ADGRL3: variants seen among roughly 807,000 people sequenced by gnomAD.
ADGRL3 encodes calcium-independent alpha-latrotoxin receptor 3.
A neutral mutation model predicts 153.5 loss-of-function variants in ADGRL3; 62 were observed. The ratio of observed to expected loss-of-function variants is 0.40; its 90% CI spans 0.33 to 0.50. The LOEUF (loss-of-function observed/expected upper bound fraction) is 0.50, where lower values mean the gene tolerates loss of function less well. Among genes scored for constraint, ADGRL3 ranks in the 20% least tolerant of loss-of-function variants. The pLI, the probability that ADGRL3 is intolerant of heterozygous loss-of-function variation, is 0.47. For missense variants in ADGRL3, 1,641 were observed against 1,859.4 expected (o/e 0.88, Z 2.16); for synonymous variants, 710 against 672.5 (o/e 1.06, Z -0.86).
chr4:61,365,217 G>C (rs1227974953), intron 1 of ADGRL3, among the ~76,000 whole-genome samples: 3 of 150,000 alleles, frequency 2.0e-5, no homozygotes, highest in Non-Finnish European at 4.4e-5. Context: ...CATTGTTACT[G>C]AGTTTATTTG....
chr4:61,403,372 G>T (rs2096954541), intron 2 of ADGRL3, among the ~76,000 whole-genome samples: 1 of 152,020 alleles, frequency 6.6e-6, no homozygotes, highest in Admixed American at 6.6e-5. Context: ...ATGGGAAAGG[G>T]CCTGGAAATA....
intron 12 of ADGRL3, among the ~76,000 whole-genome samples, chr4:61,911,457 T>C (rs2098721415): frequency 6.6e-6 from 1 of 152,152 alleles, no homozygotes; most frequent in Non-Finnish European, 1.5e-5. Flanking sequence ...ATTTGCATGA[T>C]GGGGTAAGGA....
intron 1 of ADGRL3, among the ~76,000 whole-genome samples, chr4:61,358,832 C>G (rs993908199): frequency 2.5e-4 from 38 of 152,104 alleles, no homozygotes; most frequent in African/African-American, 8.9e-4. Context: ...TCTACTTTAA[C>G]ATTATATGTG....
chr4:61,214,004 A>G (rs1312926167), intron 1 of ADGRL3, among the ~76,000 whole-genome samples: 1 of 152,208 alleles, frequency 6.6e-6, no homozygotes, highest in Non-Finnish European at 1.5e-5. Context: ...CTCTTTCTTA[A>G]GAATTGTTAA....
intron 9 of ADGRL3, among the ~76,000 whole-genome samples, chr4:61,845,326 C>T (rs1419600578): frequency 2.0e-5 from 3 of 151,284 alleles, no homozygotes; most frequent in Non-Finnish European, 4.4e-5. Flanking sequence ...TTATTTTTAT[C>T]TTTTTATTTA....
intron 4 of ADGRL3, among the ~76,000 whole-genome samples, chr4:61,544,257 A>AT (rs1242889425): frequency 1.3e-5 from 2 of 152,226 alleles, no homozygotes; most frequent in East Asian, 1.9e-4. Flanking sequence ...GTTTTCTGAT[A>AT]TTTTTTATAT....
intron 9 of ADGRL3, among the ~76,000 whole-genome samples, chr4:61,816,163 C>T (rs955351074): frequency 4.6e-5 from 7 of 152,108 alleles, no homozygotes; most frequent in African/African-American, 1.7e-4. Flanking sequence ...TACAAGATCC[C>T]AATATGATTT....
intron 6 of ADGRL3, among the ~76,000 whole-genome samples, chr4:61,718,572 A>G (rs1450827917): frequency 6.6e-6 from 1 of 152,220 alleles, no homozygotes; most frequent in Non-Finnish European, 1.5e-5. Flanking sequence ...AGATTTATAT[A>G]GTACTTACAG....
At chr4:61,831,049 C>T (rs969979128) in intron 9 of ADGRL3, among the ~76,000 whole-genome samples, 14 of 152,014 alleles carry the variant, frequency 9.2e-5, no homozygotes, top group East Asian at 3.9e-4. Flanking sequence ...CCACCACACC[C>T]GGCTAATTTT....
At chr4:61,598,760 G>T (rs532088851) in intron 5 of ADGRL3, among the ~76,000 whole-genome samples, 1 of 151,984 alleles carries the variant, frequency 6.6e-6, no homozygotes, top group African/African-American at 2.4e-5. Flanking sequence ...GTTATCTAAT[G>T]GTTTAAGATT....
intron 9 of ADGRL3, among the ~76,000 whole-genome samples, chr4:61,873,849 T>C (rs1391159981): frequency 6.6e-6 from 1 of 151,962 alleles, no homozygotes; most frequent in African/African-American, 2.4e-5. Context: ...ATCTAGTGTG[T>C]AGAGTCCATG....
intron 5 of ADGRL3, among the ~76,000 whole-genome samples, chr4:61,646,699 T>A (rs1302842974): frequency 1.3e-5 from 2 of 152,152 alleles, no homozygotes; most frequent in East Asian, 3.9e-4. Flanking sequence ...ACAGGGACAC[T>A]TAAGTCTGCA....
At chr4:61,811,401 A>C (rs2097618207) in intron 8 of ADGRL3, among the ~76,000 whole-genome samples, 1 of 152,098 alleles carries the variant, frequency 6.6e-6, no homozygotes, top group South Asian at 2.1e-4. Context: ...TATATTTTAT[A>C]ATTTCATTTA....
intron 8 of ADGRL3, among the ~76,000 whole-genome samples, chr4:61,788,758 TG>T (rs1234567096): frequency 6.6e-6 from 1 of 152,334 alleles, no homozygotes. Context: ...ACCATGTTAA[TG>T]TAGACTGAGA....
intron 9 of ADGRL3, among the ~76,000 whole-genome samples, chr4:61,877,401 T>C (rs2098482104): frequency 6.6e-6 from 1 of 152,212 alleles, no homozygotes; most frequent in Non-Finnish European, 1.5e-5. Flanking sequence ...GGTGAGTAGT[T>C]GGTATGAATA....
chr4:62,025,268 A>G (rs1364760147), intron 21 of ADGRL3, among the ~76,000 whole-genome samples: 3 of 152,154 alleles, frequency 2.0e-5, no homozygotes, highest in Non-Finnish European at 4.4e-5. Context: ...TCGTGTTATT[A>G]TATGTCTGAC....
chr4:61,726,196 G>A (rs1352550087), intron 6 of ADGRL3, among the ~76,000 whole-genome samples: 2 of 83,956 alleles, frequency 2.4e-5, no homozygotes, highest in East Asian at 4.0e-4. Context: ...ATACTCACTG[G>A]AACTTTTTTT....
intron 9 of ADGRL3, among the ~76,000 whole-genome samples, chr4:61,869,775 C>A (rs1451116992): frequency 6.7e-6 from 1 of 150,130 alleles, no homozygotes; most frequent in Non-Finnish European, 1.5e-5. Flanking sequence ...CCCGTCTCTA[C>A]TAAAAATACA....
At chr4:62,040,663 T>C (rs1727767917) in intron 24 of ADGRL3, among the ~76,000 whole-genome samples, 1 of 152,046 alleles carries the variant, frequency 6.6e-6, no homozygotes, top group African/African-American at 2.4e-5. Flanking sequence ...GATAAAATGG[T>C]TAAAAGACAT....
Sources: gnomAD v4.1 joint callset for allele counts (sites outside exome capture counted in the v4.1 genomes callset) on GRCh38, gnomAD v4.1.1 for gene constraint, MANE v1.5 for transcripts, NCBI Gene and HGNC (gene_info 2026-07-23, HGNC 2026-07-21) for gene names.